KIT: variants seen among roughly 807,000 people sequenced by gnomAD.
KIT encodes mast/stem cell growth factor receptor Kit.
Under a neutral mutation model 105.7 loss-of-function variants are expected in KIT, and 16 were observed. The observed-to-expected ratio is 0.15, with a 90% CI of 0.10 to 0.23. The LOEUF is 0.23. Ranked by LOEUF, KIT falls within the 10% of genes least tolerant of loss-of-function variation. KIT has a pLI of 1.00. For missense variants in KIT, 858 were observed against 1,213.8 expected, an observed-to-expected ratio of 0.71 and a Z score of 4.36; for synonymous variants, 438 against 441.1, an observed-to-expected ratio of 0.99 and a Z score of 0.09.
Position 54,690,779 on chromosome 4 carries a change from G to A in KIT, c.68-4733G>A, listed in dbSNP as rs936262193. 9.9e-5 allele frequency among the ~76,000 whole-genome samples: 15 copies of A among 152,180 alleles called. No homozygotes were observed. In the East Asian group the frequency reaches 2.7e-3, roughly 27 times the overall value. On this transcript the variant is annotated intron_variant, in intron 1 of 20. Transcript: ENST00000288135. ...AAGTTGGAATACCTTTTTGAAAGGC[G>A]TTCTCTTAATACGAACCTCTACTCT...
At chr4:54,725,250 GC>G (rs1469835897) in intron 8 of KIT, among the ~76,000 whole-genome samples, 4 of 151,944 alleles carry the variant, frequency 2.6e-5, no homozygotes, top group Non-Finnish European at 2.9e-5. Flanking sequence ...GATTACAGGC[GC>G]CTGCCACCAC....
intron 7 of KIT, among the ~76,000 whole-genome samples, chr4:54,722,261 G>A (rs1721922994): frequency 6.6e-6 from 1 of 152,126 alleles, no homozygotes; most frequent in Non-Finnish European, 1.5e-5. Context: ...AAAGTGCTGG[G>A]ATTATAGGCT....
intron 17 of KIT, chr4:54,733,525 G>A: frequency 1.0e-5 from 3 of 288,722 alleles, no homozygotes; most frequent in Non-Finnish European, 1.4e-5. Context: ...GGTCACAGCA[G>A]GAGAAATTTT....
intron 1 of KIT, among the ~76,000 whole-genome samples, chr4:54,681,271 C>A (rs1202333085): frequency 9.7e-6 from 1 of 103,372 alleles, no homozygotes; most frequent in Non-Finnish European, 1.9e-5. Context: ...TTTACGGCAG[C>A]GGGGATGGGG....
chr4:54,708,442 A>G (rs1418554182), intron 6 of KIT, among the ~76,000 whole-genome samples: 1 of 152,098 alleles, frequency 6.6e-6, no homozygotes, highest in Non-Finnish European at 1.5e-5. Flanking sequence ...CCTCAGTCTT[A>G]TCCAGGAGCT....
rs1721176154 is a variant in KIT, at chr4:54,711,750, C to T, written c.1231+2211C>T. Among the ~76,000 whole-genome samples the T allele has an allele frequency of 3.2e-5, 4 of 125,580 alleles. No homozygotes were observed. In the South Asian group the frequency reaches 1.1e-3, roughly 33 times the overall value. The allele number at this position is 125,580 out of a possible 152,430, so 82.4% of individuals were successfully genotyped here. A position where few individuals can be genotyped will look rare whatever the true frequency, so the allele number is the denominator to read the frequency against. On this transcript the variant is annotated intron_variant, in intron 7 of 20. Transcript: ENST00000288135. ...CAGCCTGGCCAACATGGTGAAACCC[C>T]TTCTCTACTAAAAATAGAAAAATTC... is the stretch of plus-strand genomic sequence containing the variant.
intron 7 of KIT, among the ~76,000 whole-genome samples, chr4:54,711,794 G>A (rs759871956): frequency 6.6e-6 from 1 of 152,000 alleles, no homozygotes; most frequent in Non-Finnish European, 1.5e-5. Context: ...GCGATGATGA[G>A]TGCGTGTAAT....
chr4:54,728,556 T>C (rs780829220), intron 13 of KIT, among the ~76,000 whole-genome samples: 11 of 152,196 alleles, frequency 7.2e-5, no homozygotes, highest in Admixed American at 1.3e-4. Context: ...TCTCTAAAAA[T>C]AAGTTTCCAA....
At chr4:54,682,421 C>T (rs1317318268) in intron 1 of KIT, among the ~76,000 whole-genome samples, 1 of 151,714 alleles carries the variant, frequency 6.6e-6, no homozygotes, top group East Asian at 1.9e-4. Context: ...TAAGAGATTT[C>T]TTTGTCTTTT....
chr4:54,705,788 A>G (rs1011363025), intron 5 of KIT, among the ~76,000 whole-genome samples: 8 of 152,158 alleles, frequency 5.3e-5, no homozygotes, highest in African/African-American at 1.2e-4. Context: ...AGGCTGAGGC[A>G]GGAGGATTGC....
intron 7 of KIT, among the ~76,000 whole-genome samples, chr4:54,715,661 T>G (rs1721441174): frequency 6.6e-6 from 1 of 152,158 alleles, no homozygotes; most frequent in South Asian, 2.1e-4. Context: ...ATGAAAGATC[T>G]GTCCCCATGA....
chr4:54,740,543 C>T lies in KIT; in HGVS notation c.*1986C>T, dbSNP rs1723185570. 4.3e-6 allele frequency: 1 copy of T among 232,290 alleles called. No individual in the cohort carries two copies. The highest frequency in any genetic ancestry group is 2.2e-5 in the African/African-American group (1 of 45,260). The allele number at this position is 232,290 out of a possible 1,614,324, so 14.4% of individuals were successfully genotyped here. A position where few individuals can be genotyped will look rare whatever the true frequency, so the allele number is the denominator to read the frequency against. The stretch of plus-strand genomic sequence containing the variant: ...GTAGCAATAATGTCTTTTGAATATT[C>T]CCAAGCCCATGAGTCCTTGAAAATA... On this transcript the variant is annotated 3_prime_UTR_variant, in exon 21 of 21. Transcript: ENST00000288135.
chr4:54,725,356 C>T (rs756917831), intron 8 of KIT, among the ~76,000 whole-genome samples: 4 of 152,128 alleles, frequency 2.6e-5, no homozygotes, highest in Non-Finnish European at 4.4e-5. Flanking sequence ...CTGCCCACCT[C>T]GGCCTCCTAA....
chr4:54,713,247 T>C lies in KIT; in HGVS notation c.1231+3708T>C, dbSNP rs150691769. Among the ~76,000 whole-genome samples, 252 of 152,268 alleles carry C rather than the reference T, an allele frequency of 1.7e-3. 1 individual carries two copies. The highest frequency in any genetic ancestry group is 2.7e-3 in the Non-Finnish European group (181 of 68,028). On this transcript the variant is annotated intron_variant, in intron 7 of 20. Coordinates refer to ENST00000288135, the MANE Select transcript of KIT (RefSeq NM_000222.3). ...GTACACTATACCCGTGTATAGTCTT[T>C]ATCCCTCACCCCCCTCCCACCCTTC... is the stretch of plus-strand genomic sequence containing the variant.
intron 7 of KIT, among the ~76,000 whole-genome samples, chr4:54,717,030 C>T (rs1387564567): frequency 5.3e-5 from 8 of 152,216 alleles, no homozygotes; most frequent in Admixed American, 5.2e-4. Flanking sequence ...AGTGTTTGAA[C>T]TCTGTTTGTA....
intron 8 of KIT, 51 bp downstream of exon 8, chr4:54,723,749 A>G (rs766955070): frequency 5.0e-6 from 5 of 1,003,124 alleles, no homozygotes; most frequent in Non-Finnish European, 8.0e-6. Flanking sequence ...GAAGGACTGC[A>G]ATTCACTTGA....
Position 54,677,838 on chromosome 4 carries a change from C to T in KIT, c.68-17674C>T, listed in dbSNP as rs529738977. Among the ~76,000 whole-genome samples the T allele has an allele frequency of 3.3e-5, 5 of 152,294 alleles. No individual in the cohort carries two copies. The South Asian group carries it at 1.0e-3, about 32-fold the overall frequency. The stretch of plus-strand genomic sequence containing the variant: ...TCAGCCTTGCTGATTTAATAGAAAG[C>T]TTGACAATAGCTTATAAAAATACAT... On this transcript the variant is annotated intron_variant, in intron 1 of 20. Transcript: ENST00000288135.
At chr4:54,723,368 G>A (rs957986905) in intron 7 of KIT, among the ~76,000 whole-genome samples, 1 of 152,172 alleles carries the variant, frequency 6.6e-6, no homozygotes, top group African/African-American at 2.4e-5. Flanking sequence ...CTCCTCTGGG[G>A]CTGGGCCACT....
intron 17 of KIT, among the ~76,000 whole-genome samples, chr4:54,735,378 AG>A (rs755893514): frequency 0.11 from 16,132 of 145,050 alleles, 987 homozygotes; most frequent in South Asian, 0.19. Context: ...AAAAAAAAAA[AG>A]AAAAAAAAAA....
Sources: allele counts gnomAD v4.1 joint callset (sites outside exome capture counted in the v4.1 genomes callset), GRCh38; gene constraint gnomAD v4.1.1; transcripts MANE v1.5; gene names NCBI Gene and HGNC (gene_info 2026-07-23, HGNC 2026-07-21).